The following CFDP1 variants were observed in gnomAD, a reference collection of about 807,000 sequenced individuals.
The protein encoded by CFDP1 is chromatin remodeling protein CFDP1.
Under a neutral mutation model 40.1 loss-of-function variants are expected in CFDP1, and 31 were observed. That is an observed-to-expected ratio of 0.77 (90% confidence interval 0.58 to 1.04). The LOEUF (loss-of-function observed/expected upper bound fraction) is 1.04. Among genes scored for constraint, CFDP1 ranks in the 50% least tolerant of loss-of-function variants. The pLI is 0.00. For synonymous variants in CFDP1, 167 were observed against 120.0 expected (o/e 1.39, Z -2.56); for missense variants, 423 against 343.4 (o/e 1.23, Z -1.83).
At chr16:75,326,908 T>C (rs558286138) in intron 5 of CFDP1, among the ~76,000 whole-genome samples, 2 of 152,268 alleles carry the variant, frequency 1.3e-5, no homozygotes, top group East Asian at 1.9e-4. Context: ...TTTTCAGACA[T>C]GCAAAGTTTC....
chr16:75,367,975 GA>G (rs1293462619), intron 5 of CFDP1, among the ~76,000 whole-genome samples: 1 of 151,956 alleles, frequency 6.6e-6, no homozygotes, highest in African/African-American at 2.4e-5. Flanking sequence ...TGTGGTGGTG[GA>G]CACCTGTAAT....
At chr16:75,368,488 T>A (rs1374033037) in intron 5 of CFDP1, among the ~76,000 whole-genome samples, 1 of 152,218 alleles carries the variant, frequency 6.6e-6, no homozygotes, top group African/African-American at 2.4e-5. Flanking sequence ...CTCTACTGTA[T>A]GAAATTTTCC....
rs774052345 is a variant in CFDP1 at position 75,412,623 on chromosome 16, G to T, written c.314C>A (p.Ala105Asp). ...GAGTTCGTCCTCCTTCTTTTTCCTG[G>T]CATCCTCTGATCCAATGCCTTTTTC... ...EQEKGIGSED[A>D]RKKKEDELWA... is the part of the protein sequence containing the mutation. The change falls in exon 3 of 7, where the codon GCC (alanine) becomes GAC (aspartate). Residue 105 changes from alanine (A) to aspartate (D), a missense_variant. Ala to Asp is a moderately radical substitution (Grantham distance 126). Transcript: ENST00000283882. The T allele has an allele frequency of 1.1e-5, 17 of 1,613,964 alleles. No individual in the cohort carries two copies. Among genetic ancestry groups the T allele is most frequent in the South Asian group, 6.6e-5 (6 of 91,072 alleles).
At chr16:75,392,987 A>T (rs2078964982) in intron 5 of CFDP1, among the ~76,000 whole-genome samples, 1 of 152,250 alleles carries the variant, frequency 6.6e-6, no homozygotes, top group Non-Finnish European at 1.5e-5. Context: ...ATAAAGATGT[A>T]ACAGATGAGG....
chr16:75,307,295 A>T (rs1432515246), intron 5 of CFDP1, among the ~76,000 whole-genome samples: 1 of 151,908 alleles, frequency 6.6e-6, no homozygotes, highest in Non-Finnish European at 1.5e-5. Context: ...GGCTCACTGC[A>T]ACCTCCGCCT....
intron 5 of CFDP1, among the ~76,000 whole-genome samples, chr16:75,349,192 G>T (rs2078590460): frequency 6.6e-6 from 1 of 151,932 alleles, no homozygotes; most frequent in Admixed American, 6.6e-5. Context: ...TTCATTTTTG[G>T]ATGGTTCACT....
chr16:75,397,252 T>G (rs1394365930), intron 4 of CFDP1, among the ~76,000 whole-genome samples: 1 of 150,310 alleles, frequency 6.7e-6, no homozygotes, highest in Non-Finnish European at 1.5e-5. Flanking sequence ...CAGTGGCTCA[T>G]GCCTGTAATC....
At chr16:75,375,813 A>C (rs2078789263) in intron 5 of CFDP1, among the ~76,000 whole-genome samples, 1 of 151,554 alleles carries the variant, frequency 6.6e-6, no homozygotes, top group African/African-American at 2.4e-5. Flanking sequence ...AAAGACTGAC[A>C]ACATCACATG....
intron 5 of CFDP1, among the ~76,000 whole-genome samples, chr16:75,343,454 G>T (rs1229306142): frequency 6.6e-6 from 1 of 152,190 alleles, no homozygotes; most frequent in Non-Finnish European, 1.5e-5. Context: ...GGTGCAGTTA[G>T]TTCCACATCA....
intron 5 of CFDP1, among the ~76,000 whole-genome samples, chr16:75,316,681 TAA>T (rs1376416799): frequency 1.4e-5 from 2 of 143,842 alleles, no homozygotes; most frequent in Non-Finnish European, 3.0e-5. Context: ...CTTTAAAAAG[TAA>T]AAGAGGCCGG....
chr16:75,425,975 G>C (rs1293175668), intron 1 of CFDP1, among the ~76,000 whole-genome samples: 2 of 137,118 alleles, frequency 1.5e-5, no homozygotes, highest in Non-Finnish European at 3.0e-5. Context: ...GGCGGAGGTT[G>C]CAGCGAGCTG....
At chr16:75,374,554 C>T (rs1597363118) in intron 5 of CFDP1, among the ~76,000 whole-genome samples, 1 of 151,720 alleles carries the variant, frequency 6.6e-6, no homozygotes, top group Non-Finnish European at 1.5e-5. Context: ...TAGTGGCTCA[C>T]ACCTGTAGTC....
chr16:75,412,823 C>G, intron 2 of CFDP1, 69 bp from the exon 3 acceptor site: 1 of 1,241,278 alleles, frequency 8.1e-7, no homozygotes, highest in Non-Finnish European at 1.2e-6. Context: ...CTCTCCCAAT[C>G]CCAAAGGTAA....
chr16:75,327,815 T>G (rs1227748655), intron 5 of CFDP1, among the ~76,000 whole-genome samples: 1 of 152,032 alleles, frequency 6.6e-6, no homozygotes, highest in African/African-American at 2.4e-5. Context: ...GCTCTACTTT[T>G]AGGGTTCAAG....
chr16:75,354,744 A>G (rs1407406343), intron 5 of CFDP1, among the ~76,000 whole-genome samples: 3 of 152,240 alleles, frequency 2.0e-5, no homozygotes, highest in African/African-American at 7.2e-5. Flanking sequence ...GGTATCCGCA[A>G]CTGGATCCTG....
intron 5 of CFDP1, among the ~76,000 whole-genome samples, chr16:75,361,257 C>G (rs1484890187): frequency 6.6e-6 from 1 of 152,132 alleles, no homozygotes. Context: ...GTGATCCACC[C>G]GCCACAGTCT....
intron 5 of CFDP1, chr16:75,306,424 C>T (rs941601092): frequency 6.6e-6 from 1 of 152,280 alleles, no homozygotes; most frequent in Non-Finnish European, 1.5e-5. Context: ...CCAACGTCCA[C>T]ACTGAACACC....
At chr16:75,326,342 C>A (rs1358853494) in intron 5 of CFDP1, among the ~76,000 whole-genome samples, 1 of 152,156 alleles carries the variant, frequency 6.6e-6, no homozygotes, top group East Asian at 1.9e-4. Flanking sequence ...AGCTAAAAAC[C>A]AACACTGAAT....
intron 1 of CFDP1, among the ~76,000 whole-genome samples, chr16:75,432,794 G>A (rs991462815): frequency 4.6e-5 from 7 of 152,210 alleles, no homozygotes; most frequent in South Asian, 2.1e-4. Context: ...GTTCTGAGAG[G>A]AGAGGATGGG....
Sources: gnomAD v4.1 joint callset for allele counts (sites outside exome capture counted in the v4.1 genomes callset) on GRCh38, gnomAD v4.1.1 for gene constraint, MANE v1.5 for transcripts, NCBI Gene and HGNC (gene_info 2026-07-23, HGNC 2026-07-21) for gene names.